Variants in ITSN1 observed in about 807,000 individuals in gnomAD.
ITSN1 encodes intersectin-1.
Under a neutral mutation model 239.8 loss-of-function variants are expected in ITSN1, and 58 were observed. The observed-to-expected ratio is 0.24, with a 90% CI of 0.20 to 0.30. The LOEUF is 0.30. ITSN1 is among the 10% of genes least tolerant of loss of function. ITSN1 has a pLI of 1.00. For synonymous variants in ITSN1, 780 were observed against 770.8 expected (o/e 1.01, Z -0.20); for missense variants, 1,558 against 2,103.3 (o/e 0.74, Z 5.07).
At chr21:33,686,114 C>G (rs2091222004) in intron 1 of ITSN1, among the ~76,000 whole-genome samples, 1 of 152,134 alleles carries the variant, frequency 6.6e-6, no homozygotes, top group Non-Finnish European at 1.5e-5. Context: ...TGAGCTAGTT[C>G]AAGAATGTCA....
intron 1 of ITSN1, among the ~76,000 whole-genome samples, chr21:33,674,685 TA>T (rs1409149810): frequency 1.3e-5 from 2 of 152,216 alleles, no homozygotes; most frequent in Non-Finnish European, 2.9e-5. Context: ...CAGTGGTCCT[TA>T]AAATTAAGAT....
intron 7 of ITSN1, among the ~76,000 whole-genome samples, chr21:33,753,531 G>C (rs905957670): frequency 2.6e-5 from 4 of 152,224 alleles, no homozygotes; most frequent in South Asian, 2.1e-4. Flanking sequence ...GGTAGGCCAA[G>C]GTGGGCAGAT....
rs116638903 is a variant in ITSN1 at position 33,650,392 on chromosome 21, G to A, written c.-33+7679G>A. Among the ~76,000 whole-genome samples the A allele has an allele frequency of 6.9e-3, 1,048 of 152,238 alleles. 8 individuals carry two copies. Among genetic ancestry groups the A allele is most frequent in the African/African-American group, 0.024 (989 of 41,536 alleles). On this transcript the variant is annotated intron_variant, in intron 1 of 39. Coordinates refer to ENST00000381318, the MANE Select transcript of ITSN1 (RefSeq NM_003024.3). ...GAGCTCCAACGAATTGGAGCCATTCGTTTTGTGTGTGTGTGTCTGTTTGCC... is the reference window on the plus strand; with the variant it reads ...GAGCTCCAACGAATTGGAGCCATTCATTTTGTGTGTGTGTGTCTGTTTGCC...
rs1055804645 is a variant in ITSN1 at position 33,895,076 on chromosome 21, T to C, written c.*6776T>C. On this transcript the variant is annotated 3_prime_UTR_variant, in exon 40 of 40. Coordinates refer to ENST00000381318, the MANE Select transcript of ITSN1 (RefSeq NM_003024.3). Reference sequence around the variant, plus strand: ...TGTGGGCCTGGCAGAGACCGAAGGCTGGGTGGGAAGGAAGCTCGCGGCGAG... The same window carrying C: ...TGTGGGCCTGGCAGAGACCGAAGGCCGGGTGGGAAGGAAGCTCGCGGCGAG... The C allele has an allele frequency of 6.6e-6, 1 of 152,314 alleles. No individual in the cohort carries two copies. The highest frequency in any genetic ancestry group is 2.4e-5 in the African/African-American group (1 of 41,424). 9.4% of individuals were successfully genotyped at this position (152,314 alleles called of 1,614,324 possible).
intron 32 of ITSN1, 150 bp from the exon 33 acceptor site, chr21:33,867,083 A>C (rs74803182): frequency 0.014 from 8,463 of 606,608 alleles, 117 homozygotes; most frequent in East Asian, 0.066. Context: ...GGACAGGGTA[A>C]CTAGTCAGGC....
At chr21:33,714,685 G>A (rs1419495226) in intron 1 of ITSN1, among the ~76,000 whole-genome samples, 2 of 152,020 alleles carry the variant, frequency 1.3e-5, no homozygotes, top group Non-Finnish European at 2.9e-5. Context: ...TATCATAGTT[G>A]AGTATTAAGC....
intron 16 of ITSN1, among the ~76,000 whole-genome samples, chr21:33,790,242 A>G (rs2071004525): frequency 6.6e-6 from 1 of 151,798 alleles, no homozygotes; most frequent in Non-Finnish European, 1.5e-5. Flanking sequence ...TTCTGCATAA[A>G]TTGTGATTTT....
At position 33,891,714 on chromosome 21, in the gene ITSN1, C is replaced by T. The variant is rs1308456432; in HGVS notation, c.*3414C>T. The T allele has an allele frequency of 6.6e-6, 1 of 152,078 alleles. No individual in the cohort carries two copies. Among genetic ancestry groups the T allele is most frequent in the African/African-American group, 2.4e-5 (1 of 41,396 alleles). The allele number at this position is 152,078 out of a possible 1,614,324, so 9.4% of individuals were successfully genotyped here. A position where few individuals can be genotyped will look rare whatever the true frequency, so the allele number is the denominator to read the frequency against. ...CAGGATGTTCTAGAATCTGATGGGG[C>T]TGAAGATGAAGGGAGAAATGGACAA... is the stretch of plus-strand genomic sequence containing the variant. On this transcript the variant is annotated 3_prime_UTR_variant, in exon 40 of 40. Transcript: ENST00000381318.
In ITSN1 at chr21:33,892,372, T is replaced by C. The variant is rs1986421767; in HGVS notation, c.*4072T>C. On this transcript the variant is annotated 3_prime_UTR_variant, in exon 40 of 40. Coordinates refer to ENST00000381318, the MANE Select transcript of ITSN1 (RefSeq NM_003024.3). ...GAAATTCCTGCTAGAGACTTCCCCT[T>C]ACTTCCATGAATGGCCCAGGGGCTG... The C allele has an allele frequency of 6.6e-6, 1 of 152,240 alleles. No homozygotes were observed. The highest frequency in any genetic ancestry group is 1.5e-5 in the Non-Finnish European group (1 of 68,064). The allele number at this position is 152,240 out of a possible 1,614,324, so 9.4% of individuals were successfully genotyped here.
At chr21:33,801,804 A>G (rs749726448) in intron 19 of ITSN1, among the ~76,000 whole-genome samples, 2 of 152,190 alleles carry the variant, frequency 1.3e-5, no homozygotes, top group African/African-American at 4.8e-5. Flanking sequence ...CATCCTTTAC[A>G]GAAAGAACTG....
intron 17 of ITSN1, among the ~76,000 whole-genome samples, chr21:33,796,105 AG>A (rs950814394): frequency 6.6e-6 from 1 of 152,118 alleles, no homozygotes; most frequent in Non-Finnish European, 1.5e-5. Flanking sequence ...CTGGGACTAC[AG>A]GTGTGTGCTA....
At chr21:33,645,239 C>T (rs2087828270) in intron 1 of ITSN1, among the ~76,000 whole-genome samples, 2 of 152,166 alleles carry the variant, frequency 1.3e-5, no homozygotes, top group Non-Finnish European at 2.9e-5. Context: ...TGCCATAGAG[C>T]TGTTCCCTTC....
intron 1 of ITSN1, among the ~76,000 whole-genome samples, chr21:33,675,480 T>C (rs2090537053): frequency 6.6e-6 from 1 of 151,912 alleles, no homozygotes; most frequent in Non-Finnish European, 1.5e-5. Context: ...GGTGGGAGAA[T>C]GACTTGAACC....
At chr21:33,676,826 C>T (rs958609249) in intron 1 of ITSN1, among the ~76,000 whole-genome samples, 1 of 152,100 alleles carries the variant, frequency 6.6e-6, no homozygotes, top group African/African-American at 2.4e-5. Flanking sequence ...CCAGCTTCAT[C>T]CATGCCCCTA....
Position 33,722,661 on chromosome 21 carries a change from A to C in ITSN1, c.185+10A>C. 6.4e-7 allele frequency: 1 copy of C among 1,553,004 alleles called. No individual in the cohort carries two copies. The highest frequency in any genetic ancestry group is 2.2e-5 in the Admixed American group (1 of 44,608). On this transcript the variant is annotated intron_variant, in intron 4 of 39. Coordinates refer to ENST00000381318, the MANE Select transcript of ITSN1 (RefSeq NM_003024.3). ...TTTTAGCACAGATATGGTAAGTTGG[A>C]ATTTTACATGAAATTTTACATAAGC...
At chr21:33,715,420 A>G (rs1248796669) in intron 1 of ITSN1, among the ~76,000 whole-genome samples, 2 of 152,330 alleles carry the variant, frequency 1.3e-5, no homozygotes, top group South Asian at 2.1e-4. Flanking sequence ...GTATTCTCAT[A>G]TATATTAAAT....
intron 20 of ITSN1, among the ~76,000 whole-genome samples, chr21:33,805,056 A>G (rs1382654664): frequency 1.3e-5 from 2 of 152,204 alleles, no homozygotes; most frequent in African/African-American, 4.8e-5. Flanking sequence ...TAACCATGCC[A>G]GGGCTCATCC....
At chr21:33,678,979 T>G (rs941853833) in intron 1 of ITSN1, among the ~76,000 whole-genome samples, 4 of 152,352 alleles carry the variant, frequency 2.6e-5, no homozygotes, top group Admixed American at 2.6e-4. Flanking sequence ...GTTCTTGATT[T>G]TTTAACCTGA....
In ITSN1 at chr21:33,889,599, G is replaced by C. The variant is rs1986218917; in HGVS notation, c.*1299G>C. 1 of 152,086 alleles carries C rather than the reference G, an allele frequency of 6.6e-6. No homozygotes were observed. Among genetic ancestry groups the C allele is most frequent in the South Asian group, 2.1e-4 (1 of 4,826 alleles). The allele number at this position is 152,086 out of a possible 1,614,324, so 9.4% of individuals were successfully genotyped here. On this transcript the variant is annotated 3_prime_UTR_variant, in exon 40 of 40. Transcript: ENST00000381318. The stretch of plus-strand genomic sequence containing the variant: ...ACTTGATTTGCTAATGAAAAGTGGG[G>C]GCCGTGTTTTGTTTGCATGTTAATA...
Sources: gnomAD v4.1 joint callset for allele counts (sites outside exome capture counted in the v4.1 genomes callset) on GRCh38, gnomAD v4.1.1 for gene constraint, MANE v1.5 for transcripts, NCBI Gene and HGNC (gene_info 2026-07-23, HGNC 2026-07-21) for gene names.